AGBL4: variants seen among roughly 807,000 people sequenced by gnomAD.
The protein encoded by AGBL4 is cytosolic carboxypeptidase 6.
Under a neutral mutation model 66.4 loss-of-function variants are expected in AGBL4, and 58 were observed. The ratio of observed to expected loss-of-function variants is 0.87; its 90% CI spans 0.71 to 1.09. The LOEUF (loss-of-function observed/expected upper bound fraction) is 1.09, where lower values mean the gene tolerates loss of function less well. Ranked by LOEUF, AGBL4 falls within the 50% of genes least tolerant of loss-of-function variation. The pLI is 0.00. For missense variants in AGBL4, 579 were observed against 631.0 expected, an observed-to-expected ratio of 0.92 and a Z score of 0.88; for synonymous variants, 234 against 222.9, an observed-to-expected ratio of 1.05 and a Z score of -0.44.
intron 2 of AGBL4, among the ~76,000 whole-genome samples, chr1:49,839,483 T>C (rs1645934816): frequency 6.6e-6 from 1 of 152,250 alleles, no homozygotes; most frequent in African/African-American, 2.4e-5. Flanking sequence ...GTAACAGTAT[T>C]AGTAAAAATG....
intron 2 of AGBL4, among the ~76,000 whole-genome samples, chr1:49,707,323 T>A (rs1647278769): frequency 6.6e-6 from 1 of 151,998 alleles, no homozygotes; most frequent in African/African-American, 2.4e-5. Flanking sequence ...TTATCTTTGT[T>A]GACTTAAAGT....
chr1:48,741,663 G>A (rs2148593856), intron 6 of AGBL4, among the ~76,000 whole-genome samples: 1 of 152,254 alleles, frequency 6.6e-6, no homozygotes, highest in Non-Finnish European at 1.5e-5. Context: ...AGACATATCT[G>A]GACAAACCCA....
intron 4 of AGBL4, among the ~76,000 whole-genome samples, chr1:49,176,122 A>G (rs1252611206): frequency 1.3e-5 from 2 of 152,122 alleles, no homozygotes; most frequent in Non-Finnish European, 1.5e-5. Flanking sequence ...AGGTTTGATG[A>G]TGATGACCGG....
chr1:50,001,803 C>T (rs1660777792), intron 1 of AGBL4, among the ~76,000 whole-genome samples: 1 of 152,074 alleles, frequency 6.6e-6, no homozygotes, highest in African/African-American at 2.4e-5. Context: ...TACATGAAAT[C>T]TTCCTATTTT....
In AGBL4 at chr1:49,423,834, A is replaced by G. The variant is rs1432001739; in HGVS notation, c.283-177970T>C. Among the ~76,000 whole-genome samples, 3 of 144,900 alleles carry G rather than the reference A, an allele frequency of 2.1e-5. No individual in the cohort carries two copies. In the Admixed American group the frequency reaches 2.1e-4, roughly 10 times the overall value. On this transcript the variant is annotated intron_variant, in intron 3 of 13. Coordinates refer to ENST00000371839, the MANE Select transcript of AGBL4 (RefSeq NM_032785.4). ...CAAAAAAAAAAAAAAAAAAAAAATT[A>G]GGGCAACTAACGTAAATGGTTTCCA... is the stretch of plus-strand genomic sequence containing the variant.
chr1:48,540,397 C>T (rs1644047048), intron 11 of AGBL4, among the ~76,000 whole-genome samples: 1 of 152,186 alleles, frequency 6.6e-6, no homozygotes, highest in Non-Finnish European at 1.5e-5. Flanking sequence ...TATTCAACAA[C>T]AGAATATCTT....
At chr1:49,289,172 A>G (rs1041860784) in intron 3 of AGBL4, among the ~76,000 whole-genome samples, 2 of 152,194 alleles carry the variant, frequency 1.3e-5, no homozygotes, top group Non-Finnish European at 2.9e-5. Flanking sequence ...CTAGACAACT[A>G]GAATATAAAG....
chr1:49,824,096 C>T (rs2147999263), intron 2 of AGBL4, among the ~76,000 whole-genome samples: 1 of 152,166 alleles, frequency 6.6e-6, no homozygotes, highest in South Asian at 2.1e-4. Context: ...GTAATCCCAG[C>T]TACTTGGGAG....
chr1:48,742,677 G>A (rs769416308), intron 6 of AGBL4: 18 of 1,611,260 alleles, frequency 1.1e-5, no homozygotes, highest in Non-Finnish European at 1.4e-5. Flanking sequence ...CGGGGTAATA[G>A]GACGACGTAT....
At chr1:49,657,887 C>A (rs1243531961) in intron 3 of AGBL4, among the ~76,000 whole-genome samples, 1 of 152,110 alleles carries the variant, frequency 6.6e-6, no homozygotes, top group Admixed American at 6.6e-5. Flanking sequence ...CACATTAGAC[C>A]TCAAACCATG....
intron 4 of AGBL4, among the ~76,000 whole-genome samples, chr1:49,174,307 T>C (rs1646792649): frequency 6.6e-6 from 1 of 152,102 alleles, no homozygotes; most frequent in Non-Finnish European, 1.5e-5. Context: ...GGAGAAAAGA[T>C]AGCCTTAGAT....
intron 3 of AGBL4, among the ~76,000 whole-genome samples, chr1:49,417,295 C>T (rs1042637765): frequency 1.3e-5 from 2 of 151,886 alleles, no homozygotes; most frequent in Non-Finnish European, 2.9e-5. Context: ...AGAAAAAAAG[C>T]GATCAGAAAA....
intron 3 of AGBL4, among the ~76,000 whole-genome samples, chr1:49,588,439 C>A (rs969468307): frequency 1.3e-5 from 2 of 152,108 alleles, no homozygotes; most frequent in East Asian, 1.9e-4. Flanking sequence ...AGAATGTCAA[C>A]GAATCAACAT....
At chr1:49,204,356 G>A (rs1161821168) in intron 4 of AGBL4, among the ~76,000 whole-genome samples, 1 of 151,874 alleles carries the variant, frequency 6.6e-6, no homozygotes. Flanking sequence ...CTGCAGCCTT[G>A]AATTCCTGGC....
chr1:48,542,064 T>G (rs2148265889), intron 11 of AGBL4, among the ~76,000 whole-genome samples: 1 of 152,350 alleles, frequency 6.6e-6, no homozygotes, highest in Non-Finnish European at 1.5e-5. Flanking sequence ...ATAGTTAAAC[T>G]TCCACTTATG....
chr1:48,792,452 A>G (rs898864711), intron 6 of AGBL4, among the ~76,000 whole-genome samples: 2 of 152,242 alleles, frequency 1.3e-5, no homozygotes, highest in African/African-American at 4.8e-5. Context: ...AATAATTCCA[A>G]CAGAATAAAT....
intron 1 of AGBL4, among the ~76,000 whole-genome samples, chr1:49,854,821 T>C (rs138087631): frequency 2.4e-4 from 36 of 152,248 alleles, no homozygotes; most frequent in African/African-American, 8.4e-4. Flanking sequence ...AAATGCACAG[T>C]TCCCAGAGCC....
At chr1:49,762,384 G>A (rs555504296) in intron 2 of AGBL4, among the ~76,000 whole-genome samples, 1 of 150,462 alleles carries the variant, frequency 6.6e-6, no homozygotes, top group South Asian at 2.1e-4. Flanking sequence ...TTAGAGAAAT[G>A]TCTATTAAGG....
At chr1:49,993,325 T>C (rs1051455256) in intron 1 of AGBL4, among the ~76,000 whole-genome samples, 2 of 152,348 alleles carry the variant, frequency 1.3e-5, no homozygotes, top group Non-Finnish European at 2.9e-5. Context: ...CCATTCCAAG[T>C]TCCTTGATCC....
Sources: gnomAD v4.1 joint callset for allele counts (sites outside exome capture counted in the v4.1 genomes callset) on GRCh38, gnomAD v4.1.1 for gene constraint, MANE v1.5 for transcripts, NCBI Gene and HGNC (gene_info 2026-07-23, HGNC 2026-07-21) for gene names.